GGPS1: variants seen among roughly 807,000 people sequenced by gnomAD.
GGPS1 encodes geranylgeranyl diphosphate synthase 1.
A neutral mutation model predicts 28.1 loss-of-function variants in GGPS1; 15 were observed. The ratio of observed to expected loss-of-function variants is 0.53; its 90% confidence interval spans 0.36 to 0.82. GGPS1 has a LOEUF of 0.82. Among genes scored for constraint, GGPS1 ranks in the 40% least tolerant of loss-of-function variants. GGPS1 has a pLI of 0.01. For synonymous variants in GGPS1, 138 were observed against 122.4 expected, an observed-to-expected ratio of 1.13 and a Z score of -0.84; for missense variants, 284 against 348.3, an observed-to-expected ratio of 0.82 and a Z score of 1.47.
At chr1:235,335,385 C>G (rs533520208) in intron 2 of GGPS1, 51 bp downstream of exon 2, 8 of 818,560 alleles carry the variant, frequency 9.8e-6, no homozygotes, top group Non-Finnish European at 1.6e-5. Flanking sequence ...CAGTAGTGGT[C>G]GTTCAAATGT....
chr1:235,329,462 G>C (rs954128582), intron 1 of GGPS1: 4 of 152,410 alleles, frequency 2.6e-5, no homozygotes, highest in African/African-American at 9.6e-5. Context: ...AGGAGAATGA[G>C]GGAATTTGGC....
At chr1:235,330,740 G>C (rs1675686824) in intron 1 of GGPS1, 1 of 152,196 alleles carries the variant, frequency 6.6e-6, no homozygotes, top group Non-Finnish European at 1.5e-5. Flanking sequence ...CTGTGCAACA[G>C]GGTACACCTG....
At chr1:235,340,722 C>A (rs60225479) in intron 2 of GGPS1, among the ~76,000 whole-genome samples, 70 of 101,548 alleles carry the variant, frequency 6.9e-4, no homozygotes, top group African/African-American at 2.8e-3. Flanking sequence ...GGCGACAGAG[C>A]GAGACTCCGT....
intron 1 of GGPS1, chr1:235,329,175 T>G (rs1226256024): frequency 6.6e-6 from 1 of 152,292 alleles, no homozygotes; most frequent in Non-Finnish European, 1.5e-5. Flanking sequence ...CAGTATGCGC[T>G]TCACATTTGT....
At chr1:235,339,544 G>C (rs1001924226) in intron 2 of GGPS1, among the ~76,000 whole-genome samples, 1 of 152,022 alleles carries the variant, frequency 6.6e-6, no homozygotes, top group African/African-American at 2.4e-5. Flanking sequence ...TGAATTACCT[G>C]AGGTCAGGAG....
rs750622017 is a variant in GGPS1, at chr1:235,343,221, T to C, written c.*449T>C. The C allele has an allele frequency of 1.2e-5, 2 of 167,676 alleles. No individual in the cohort carries two copies. Among genetic ancestry groups the C allele is most frequent in the African/African-American group, 4.8e-5 (2 of 41,448 alleles). The allele number at this position is 167,676 out of a possible 1,614,324, so 10.4% of individuals were successfully genotyped here. The stretch of plus-strand genomic sequence containing the variant: ...AACGCTGCTGTAAGGAATATCTCAC[T>C]TTTCCCCCCGGAAACACCCTCACTG... On this transcript the variant is annotated 3_prime_UTR_variant, in exon 4 of 4. Transcript: ENST00000282841.
intron 2 of GGPS1, among the ~76,000 whole-genome samples, chr1:235,340,081 C>T (rs898260727): frequency 1.7e-4 from 26 of 152,034 alleles, no homozygotes; most frequent in South Asian, 8.3e-4. Flanking sequence ...GCAAGTGAGC[C>T]GAGATCACGC....
Position 235,341,571 on chromosome 1 carries a change from AG to A in GGPS1, c.71-136del, listed in dbSNP as rs1676046522. ...TTGAGCAGTGCAAGGCAAGCTCTGC[AG>A]TAGGTAATGGATTGATGAGGCTGGA... On this transcript the variant is annotated intron_variant, in intron 2 of 3. Transcript: ENST00000282841. 8.9e-6 allele frequency: 6 copies of A among 676,814 alleles called. No homozygotes were observed. In the Admixed American group the frequency reaches 1.5e-4, roughly 17 times the overall value. 41.9% of individuals were successfully genotyped at this position (676,814 alleles called of 1,614,324 possible).
chr1:235,331,280 G>T (rs1160962124), intron 1 of GGPS1, among the ~76,000 whole-genome samples: 1 of 152,060 alleles, frequency 6.6e-6, no homozygotes, highest in African/African-American at 2.4e-5. Flanking sequence ...GTGGAGTGCT[G>T]ATCTTTTTTA....
At chr1:235,341,891 A>T in intron 3 of GGPS1, 113 bp downstream of exon 3, 1 of 862,790 alleles carries the variant, frequency 1.2e-6, no homozygotes, top group Non-Finnish European at 1.8e-6. Context: ...TTTTATATTG[A>T]GGTTGCTAAA....
At chr1:235,329,350 T>G (rs2103335668) in intron 1 of GGPS1, 1 of 152,430 alleles carries the variant, frequency 6.6e-6, no homozygotes. Flanking sequence ...TGGGGTGGCC[T>G]CTGCCTTCGT....
chr1:235,334,029 A>AT (rs943276648), intron 1 of GGPS1, among the ~76,000 whole-genome samples: 5 of 152,336 alleles, frequency 3.3e-5, no homozygotes, highest in South Asian at 2.1e-4. Flanking sequence ...TAGGAAGACC[A>AT]TGAGTGTTAT....
chr1:235,340,539 A>G (rs907014601), intron 2 of GGPS1, among the ~76,000 whole-genome samples: 1 of 151,216 alleles, frequency 6.6e-6, no homozygotes, highest in African/African-American at 2.4e-5. Context: ...GATCGAGACC[A>G]TCCTGGCTAA....
chr1:235,339,989 A>C (rs1675983374), intron 2 of GGPS1, among the ~76,000 whole-genome samples: 1 of 151,736 alleles, frequency 6.6e-6, no homozygotes, highest in Non-Finnish European at 1.5e-5. Flanking sequence ...TAAATTAGCC[A>C]CGCATGGTGG....
chr1:235,340,296 C>G (rs2803847), intron 2 of GGPS1, among the ~76,000 whole-genome samples: 48,819 of 151,954 alleles, frequency 0.32, 8,209 homozygotes, highest in South Asian at 0.52. Flanking sequence ...AACATGGGAA[C>G]ACACTGTCTC....
chr1:235,330,774 A>G (rs575671266), intron 1 of GGPS1, among the ~76,000 whole-genome samples: 1 of 152,324 alleles, frequency 6.6e-6, no homozygotes, highest in East Asian at 1.9e-4. Flanking sequence ...CACAAAAGGG[A>G]ATTCTGAAAG....
chr1:235,335,199 A>G, intron 1 of GGPS1, 43 bp from the exon 2 acceptor site: 1 of 810,404 alleles, frequency 1.2e-6, no homozygotes, highest in Non-Finnish European at 2.1e-6. Context: ...ACACTGAAAG[A>G]TGATTAGTTT....
At chr1:235,335,950 T>G (rs1306795391) in intron 2 of GGPS1, among the ~76,000 whole-genome samples, 1 of 152,248 alleles carries the variant, frequency 6.6e-6, no homozygotes, top group Non-Finnish European at 1.5e-5. Flanking sequence ...ATACTACTGG[T>G]TCCTTTGAGA....
upstream of GGPS1, chr1:235,328,242 C>T: frequency 7.1e-6 from 1 of 141,436 alleles, no homozygotes; most frequent in Non-Finnish European, 1.5e-5. Flanking sequence ...ATTTTTTTTC[C>T]CCCCCTCCCC....
Sources: allele counts gnomAD v4.1 joint callset (sites outside exome capture counted in the v4.1 genomes callset), GRCh38; gene constraint gnomAD v4.1.1; transcripts MANE v1.5; gene names NCBI Gene and HGNC (gene_info 2026-07-23, HGNC 2026-07-21).